HSPA12A: variants seen among roughly 807,000 people sequenced by gnomAD.
HSPA12A encodes the protein heat shock protein family A (Hsp70) member 12A.
A neutral mutation model predicts 69.2 loss-of-function variants in HSPA12A; 28 were observed. The ratio of observed to expected loss-of-function variants is 0.40; its 90% CI spans 0.30 to 0.55. The LOEUF (loss-of-function observed/expected upper bound fraction) is 0.55, where lower values mean the gene tolerates loss of function less well. Ranked by LOEUF, HSPA12A falls within the 20% of genes least tolerant of loss-of-function variation. The probability of loss-of-function intolerance (pLI) is 0.38; values close to 1 mark genes in which losing one functional copy is unlikely to be tolerated. For missense variants in HSPA12A, 686 were observed against 900.7 expected (o/e 0.76, Z 3.05); for synonymous variants, 345 against 370.5 (o/e 0.93, Z 0.79).
chr10:116,705,171 C>A lies in HSPA12A; in HGVS notation c.234G>T (p.Pro78=), dbSNP rs199810572. 6.2e-7 allele frequency: 1 copy of A among 1,614,176 alleles called. No homozygotes were observed. Among genetic ancestry groups the A allele is most frequent in the Admixed American group, 1.7e-5 (1 of 60,028 alleles). The change falls in exon 3 of 12, where the codon CCG becomes CCT. Residue 78 remains proline, a synonymous_variant. Coordinates refer to ENST00000369209, the MANE Select transcript of HSPA12A (RefSeq NM_025015.3). ...SGYAYSFTKE[P]ECIHVMRRWE... is the part of the protein sequence containing the mutation. ...CTCACCTCATCACATGGATGCATTC[C>A]GGCTCCTTGGTGAAGCTGTAGGCAT...
intron 2 of HSPA12A, among the ~76,000 whole-genome samples, chr10:116,782,347 C>T (rs1447338656): frequency 2.0e-5 from 3 of 152,326 alleles, no homozygotes; most frequent in South Asian, 4.1e-4. Flanking sequence ...TGAGCTTTGA[C>T]ACAGCAACCC....
At chr10:116,750,004 C>T (rs1345891253) in intron 2 of HSPA12A, 1 of 219,934 alleles carries the variant, frequency 4.5e-6, no homozygotes, top group African/African-American at 2.3e-5. Flanking sequence ...CTTGGAAATG[C>T]TTGGCAATAC....
At chr10:116,741,699 A>G (rs1221871543) in intron 1 of HSPA12A, among the ~76,000 whole-genome samples, 2 of 152,054 alleles carry the variant, frequency 1.3e-5, no homozygotes, top group Admixed American at 1.3e-4. Flanking sequence ...TCGGAGCCCT[A>G]ATCACGCTCC....
At chr10:116,832,601 A>G (rs1845638632) in intron 2 of HSPA12A, 1 of 152,248 alleles carries the variant, frequency 6.6e-6, no homozygotes, top group African/African-American at 2.4e-5. Flanking sequence ...GGTCAATTCT[A>G]TTAATTCTCC....
intron 1 of HSPA12A, among the ~76,000 whole-genome samples, chr10:116,718,477 T>C (rs1012694269): frequency 1.3e-5 from 2 of 152,184 alleles, no homozygotes; most frequent in African/African-American, 2.4e-5. Context: ...CCTTCCACTC[T>C]CTGCCAGTGC....
chr10:116,788,676 TAATTA>T (rs1327034805), intron 2 of HSPA12A, among the ~76,000 whole-genome samples: 1 of 152,144 alleles, frequency 6.6e-6, no homozygotes, highest in African/African-American at 2.4e-5. Context: ...TTTTTTCTCT[TAATTA>T]TATATTGTGG....
intron 2 of HSPA12A, among the ~76,000 whole-genome samples, chr10:116,765,926 G>A (rs1167656362): frequency 1.3e-5 from 2 of 152,132 alleles, no homozygotes; most frequent in Non-Finnish European, 2.9e-5. Flanking sequence ...TTGCAACCTG[G>A]TACTTGGACA....
At chr10:116,691,846 T>C (rs2907233) in intron 6 of HSPA12A, among the ~76,000 whole-genome samples, 3,621 of 152,348 alleles carry the variant, frequency 0.024, 152 homozygotes, top group African/African-American at 0.082. Context: ...CCCCGCTGAG[T>C]GAAGTGTGCA....
chr10:116,796,018 G>A (rs1406670855), intron 2 of HSPA12A, among the ~76,000 whole-genome samples: 1 of 149,888 alleles, frequency 6.7e-6, no homozygotes, highest in Non-Finnish European at 1.5e-5. Flanking sequence ...CGTGGTGGTG[G>A]GTGCCTGTAG....
rs1340198123 is a variant in HSPA12A, at chr10:116,796,161, A to AAG, written c.91+38773_91+38774insCT. 1.6e-3 allele frequency among the ~76,000 whole-genome samples: 241 copies of AAG among 149,156 alleles called. 1 individual carries two copies. Among genetic ancestry groups the AAG allele is most frequent in the African/African-American group, 5.2e-3 (206 of 39,364 alleles). On this transcript the variant is annotated intron_variant, in intron 2 of 12. Coordinates refer to the HSPA12A transcript ENST00000635765. Reference sequence around the variant, plus strand: ...AGACTCCATCAAAAAAAAAAAAAAAAAAAAAGAAAGAAAGAAGAAAATTAA... The same window carrying AAG: ...AGACTCCATCAAAAAAAAAAAAAAAAAGAAAAAGAAAGAAAGAAGAAAATTAA...
Position 116,805,299 on chromosome 10 carries a change from G to C in HSPA12A, c.91+29636C>G, listed in dbSNP as rs180955837. On this transcript the variant is annotated intron_variant, in intron 2 of 12. Transcript: ENST00000635765. The stretch of plus-strand genomic sequence containing the variant: ...CCACTGCACTCCAGCCTGGGCGACA[G>C]AGAGAGACTCCATCGCAAAAAAACA... 6.0e-4 allele frequency among the ~76,000 whole-genome samples: 92 copies of C among 152,300 alleles called. No individual in the cohort carries two copies. The East Asian group carries it at 0.013, about 21-fold the overall frequency.
intron 2 of HSPA12A, among the ~76,000 whole-genome samples, chr10:116,804,341 G>A (rs956455348): frequency 3.3e-5 from 5 of 152,192 alleles, no homozygotes; most frequent in Admixed American, 1.3e-4. Context: ...CCGTGAAGTT[G>A]TAACAGCGGT....
intron 2 of HSPA12A, among the ~76,000 whole-genome samples, chr10:116,785,842 C>T (rs1844563693): frequency 6.6e-6 from 1 of 152,164 alleles, no homozygotes; most frequent in East Asian, 1.9e-4. Flanking sequence ...CCCTCCTGCC[C>T]CACTGCCCTA....
chr10:116,795,851 T>C (rs10886013), intron 2 of HSPA12A, among the ~76,000 whole-genome samples: 122,805 of 150,748 alleles, frequency 0.81, 52,275 homozygotes, highest in Non-Finnish European at 0.93. Flanking sequence ...CATAGCATTG[T>C]TATGAAAATT....
chr10:116,694,823 C>T (rs2132946872), intron 5 of HSPA12A, among the ~76,000 whole-genome samples: 1 of 152,308 alleles, frequency 6.6e-6, no homozygotes, highest in Middle Eastern at 3.4e-3. Context: ...CGTTGTGCCC[C>T]TCCCCTTCTG....
chr10:116,699,199 C>T (rs1174184401), intron 4 of HSPA12A, among the ~76,000 whole-genome samples: 1 of 152,166 alleles, frequency 6.6e-6, no homozygotes, highest in Non-Finnish European at 1.5e-5. Context: ...GCTTTCATTC[C>T]CCATTACGCT....
chr10:116,829,141 T>C (rs1845565182), intron 2 of HSPA12A: 1 of 152,114 alleles, frequency 6.6e-6, no homozygotes, highest in African/African-American at 2.4e-5. Context: ...GATAATTGAA[T>C]CATGGGGGCA....
At chr10:116,839,479 C>T (rs1393494899) in intron 1 of HSPA12A, among the ~76,000 whole-genome samples, 1 of 152,038 alleles carries the variant, frequency 6.6e-6, no homozygotes, top group Non-Finnish European at 1.5e-5. Context: ...GGGATCACAG[C>T]TCCATTCCTC....
At chr10:116,676,548 C>T (rs920835562) in intron 10 of HSPA12A, 46 bp from the exon 11 acceptor site, 7 of 1,440,214 alleles carry the variant, frequency 4.9e-6, no homozygotes, top group African/African-American at 2.8e-5. Context: ...AGGGTCTACA[C>T]GATACCCAGG....
Sources: allele counts gnomAD v4.1 joint callset (sites outside exome capture counted in the v4.1 genomes callset), GRCh38; gene constraint gnomAD v4.1.1; transcripts MANE v1.5; gene names NCBI Gene and HGNC (gene_info 2026-07-23, HGNC 2026-07-21).